The following CLVS1 variants were observed in gnomAD, a reference collection of about 807,000 sequenced individuals.
CLVS1 encodes clavesin-1.
In CLVS1, 10 loss-of-function variants were observed where a neutral mutation model predicts 33.1. The observed-to-expected ratio is 0.30, with a 90% CI of 0.19 to 0.51. CLVS1 has a LOEUF of 0.51. Ranked by LOEUF, CLVS1 falls within the 20% of genes least tolerant of loss-of-function variation. CLVS1 has a pLI of 0.97. For synonymous variants in CLVS1, 163 were observed against 166.1 expected (o/e 0.98, Z 0.14); for missense variants, 343 against 433.4 (o/e 0.79, Z 1.85).
Position 61,300,010 on chromosome 8 carries a change from C to T in CLVS1, c.183C>T (p.Ile61=), listed in dbSNP as rs1214980322. The T allele has an allele frequency of 1.9e-6, 3 of 1,613,952 alleles. No individual in the cohort carries two copies. Among genetic ancestry groups the T allele is most frequent in the Non-Finnish European group, 2.5e-6 (3 of 1,179,986 alleles). ...TTCAGCAAGTCAGGGACATGATCAT[C>T]ACCAGGCCTGACATTGGATTTTTAC... ...QDIQQVRDMI[I]TRPDIGFLRT... Residue 61 remains isoleucine (I), a synonymous_variant, in exon 2 of 6, where the codon ATC becomes ATT. Transcript: ENST00000325897.
chr8:61,377,326 G>A (rs891263878), intron 3 of CLVS1: 2 of 152,252 alleles, frequency 1.3e-5, no homozygotes, highest in Non-Finnish European at 2.9e-5. Context: ...GGGTAGAATG[G>A]TTAGTCTTTA....
intron 2 of CLVS1, among the ~76,000 whole-genome samples, chr8:61,144,060 T>C (rs557878048): frequency 5.3e-5 from 8 of 151,450 alleles, no homozygotes; most frequent in African/African-American, 1.9e-4. Flanking sequence ...TATATATACA[T>C]ATATATATAC....
intron 1 of CLVS1, among the ~76,000 whole-genome samples, chr8:61,082,225 GA>G (rs1224381290): frequency 1.3e-5 from 2 of 152,046 alleles, no homozygotes; most frequent in Non-Finnish European, 2.9e-5. Flanking sequence ...TGCGCTTAAA[GA>G]AATGTCAATA....
chr8:61,190,921 T>G lies in CLVS1; in HGVS notation c.-152+59061T>G, dbSNP rs1307342061. ...AAAAAAAGTCTAGGACCAGATGGAT[T>G]CACAGCTGAATTCTACCAGAGGTAC... is the stretch of plus-strand genomic sequence containing the variant. On this transcript the variant is annotated intron_variant, in intron 2 of 2. Coordinates refer to the CLVS1 transcript ENST00000522621. Among the ~76,000 whole-genome samples the G allele has an allele frequency of 3.9e-5, 6 of 152,330 alleles. No homozygotes were observed. The East Asian group carries it at 9.6e-4, about 24-fold the overall frequency.
chr8:61,121,832 T>G (rs997087259), intron 1 of CLVS1, among the ~76,000 whole-genome samples: 1 of 152,144 alleles, frequency 6.6e-6, no homozygotes, highest in Non-Finnish European at 1.5e-5. Flanking sequence ...TAGCACAGAA[T>G]AGAAATTCTC....
At chr8:61,407,236 G>A (rs144661140) in intron 3 of CLVS1, among the ~76,000 whole-genome samples, 3 of 152,228 alleles carry the variant, frequency 2.0e-5, no homozygotes, top group South Asian at 2.1e-4. Context: ...CTAAACACAC[G>A]GTAGATATTT....
the CLVS1 span, among the ~76,000 whole-genome samples, chr8:60,974,634 T>TG: frequency 6.6e-6 from 1 of 152,200 alleles, no homozygotes; most frequent in African/African-American, 2.4e-5. Flanking sequence ...TAAGTGTCAT[T>TG]GGCCACTTTG....
chr8:61,306,448 A>G (rs1168634527), intron 2 of CLVS1, among the ~76,000 whole-genome samples: 1 of 152,176 alleles, frequency 6.6e-6, no homozygotes, highest in Non-Finnish European at 1.5e-5. Flanking sequence ...CCGTTGTGGG[A>G]TGCATTACAT....
At chr8:61,109,847 C>T (rs1426891202) in intron 1 of CLVS1, among the ~76,000 whole-genome samples, 1 of 152,212 alleles carries the variant, frequency 6.6e-6, no homozygotes, top group East Asian at 1.9e-4. Context: ...TCAGCTCCCT[C>T]ACTGTGAGAT....
chr8:61,357,489 C>CTTTTTTT lies in CLVS1; in HGVS notation c.456-19112_456-19111insTTTTTTT, dbSNP rs1462908906. ...TTTTCCTTCTTTTTCTTTCCTTTTTCTTTTCTTTTTTTTTTTTTTTTTTTT... is the reference window on the plus strand; with the variant it reads ...TTTTCCTTCTTTTTCTTTCCTTTTTCTTTTTTTTTTTCTTTTTTTTTTTTTTTTTTTT... On this transcript the variant is annotated intron_variant, in intron 2 of 5. Coordinates refer to ENST00000325897, the MANE Select transcript of CLVS1 (RefSeq NM_173519.3). Among the ~76,000 whole-genome samples the CTTTTTTT allele has an allele frequency of 7.3e-4, 22 of 30,254 alleles. 1 individual carries two copies. The East Asian group carries it at 8.7e-3, about 12-fold the overall frequency. 19.8% of individuals were successfully genotyped at this position (30,254 alleles called of 152,430 possible).
intron 2 of CLVS1, among the ~76,000 whole-genome samples, chr8:61,155,520 T>C (rs537421919): frequency 6.6e-6 from 1 of 152,144 alleles, no homozygotes; most frequent in African/African-American, 2.4e-5. Context: ...AAATGTTCTC[T>C]AAACCTTAAC....
At chr8:61,411,929 T>G (rs902355300) in intron 3 of CLVS1, among the ~76,000 whole-genome samples, 1 of 152,204 alleles carries the variant, frequency 6.6e-6, no homozygotes, top group Non-Finnish European at 1.5e-5. Flanking sequence ...CATCCCTTCC[T>G]ATAACATACT....
At chr8:61,119,083 T>C (rs1175935048) in intron 1 of CLVS1, among the ~76,000 whole-genome samples, 8 of 152,244 alleles carry the variant, frequency 5.3e-5, no homozygotes, top group Non-Finnish European at 7.3e-5. Flanking sequence ...ATATTTAGGA[T>C]AGTTAGCTCT....
rs147323963 is a variant in CLVS1, at chr8:61,468,932, G to A, written c.977+10390G>A. ...TTGTGGCCAGTGAGCTGAATGGAGC[G>A]ATACCACACCCCACGAGGTGCTGCC... On this transcript the variant is annotated intron_variant, in intron 5 of 5. Coordinates refer to ENST00000325897, the MANE Select transcript of CLVS1 (RefSeq NM_173519.3). 4.8e-3 allele frequency among the ~76,000 whole-genome samples: 726 copies of A among 152,206 alleles called. 2 individuals carry two copies. Among genetic ancestry groups the A allele is most frequent in the Non-Finnish European group, 7.5e-3 (511 of 68,014 alleles).
intron 5 of CLVS1, among the ~76,000 whole-genome samples, chr8:61,466,693 G>C (rs1385607853): frequency 1.3e-5 from 2 of 152,080 alleles, no homozygotes; most frequent in Admixed American, 1.3e-4. Context: ...TGTTGCCCAG[G>C]CTGGAGTGCA....
chr8:61,278,035 T>A (rs2129593056), intron 2 of CLVS1, among the ~76,000 whole-genome samples: 1 of 152,326 alleles, frequency 6.6e-6, no homozygotes, highest in African/African-American at 2.4e-5. Flanking sequence ...AGTGGTTAAC[T>A]TTTGTTCTTT....
At chr8:61,196,217 A>C (rs1174180690) in intron 2 of CLVS1, among the ~76,000 whole-genome samples, 1 of 152,190 alleles carries the variant, frequency 6.6e-6, no homozygotes, top group East Asian at 1.9e-4. Context: ...TTCTCACCAT[A>C]GAATTTCTCT....
rs1809834570 is a variant in CLVS1 at position 61,288,124 on chromosome 8, G to C, written c.-166G>C. 2.2e-6 allele frequency: 1 copy of C among 456,156 alleles called. No individual in the cohort carries two copies. Among genetic ancestry groups the C allele is most frequent in the South Asian group, 1.5e-5 (1 of 64,562 alleles). The allele number at this position is 456,156 out of a possible 1,614,324, so 28.3% of individuals were successfully genotyped here. A position where few individuals can be genotyped will look rare whatever the true frequency, so the allele number is the denominator to read the frequency against. On this transcript the variant is annotated 5_prime_UTR_variant, in exon 1 of 6. Transcript: ENST00000325897. ...GAAATACATTCCCAAAGCAAGGCTG[G>C]GCGGCCGTGTGAAGGTATTTGTTAC...
chr8:61,321,323 C>T (rs1325074195), intron 2 of CLVS1, among the ~76,000 whole-genome samples: 1 of 152,002 alleles, frequency 6.6e-6, no homozygotes, highest in Non-Finnish European at 1.5e-5. Context: ...TAGCTTGCCT[C>T]CCAGCACTTT....
Sources: gnomAD v4.1 joint callset for allele counts (sites outside exome capture counted in the v4.1 genomes callset) on GRCh38, gnomAD v4.1.1 for gene constraint, MANE v1.5 for transcripts, NCBI Gene and HGNC (gene_info 2026-07-23, HGNC 2026-07-21) for gene names.